Variants in IQCJ observed in about 807,000 individuals in gnomAD.
IQCJ encodes IQ domain-containing protein J.
A neutral mutation model predicts 11.0 loss-of-function variants in IQCJ; 9 were observed. The ratio of observed to expected loss-of-function variants is 0.82; its 90% confidence interval spans 0.49 to 1.43. The LOEUF (loss-of-function observed/expected upper bound fraction) is 1.43, where lower values mean the gene tolerates loss of function less well. IQCJ is among the 40% of genes most tolerant of loss of function. IQCJ has a pLI of 0.00. For missense variants in IQCJ, 146 were observed against 133.2 expected (o/e 1.10, Z -0.47); for synonymous variants, 55 against 51.3 (o/e 1.07, Z -0.31).
chr3:159,136,424 C>A (rs557339089), intron 1 of IQCJ, among the ~76,000 whole-genome samples: 7 of 152,238 alleles, frequency 4.6e-5, no homozygotes, highest in Admixed American at 2.0e-4. Flanking sequence ...CCTTAGAGAC[C>A]ATTTTGGTGC....
chr3:159,120,979 C>T (rs769042181), intron 1 of IQCJ, among the ~76,000 whole-genome samples: 1 of 151,272 alleles, frequency 6.6e-6, no homozygotes, highest in Non-Finnish European at 1.5e-5. Flanking sequence ...AAGCAAAATG[C>T]AAATGCAAAT....
chr3:159,128,196 G>A (rs1031907152), intron 1 of IQCJ, among the ~76,000 whole-genome samples: 1 of 152,144 alleles, frequency 6.6e-6, no homozygotes, highest in Non-Finnish European at 1.5e-5. Flanking sequence ...AAAAATTCAT[G>A]GGACAATGGG....
At chr3:159,208,915 A>G (rs989433686) in intron 1 of IQCJ, among the ~76,000 whole-genome samples, 3 of 152,210 alleles carry the variant, frequency 2.0e-5, no homozygotes, top group African/African-American at 7.2e-5. Flanking sequence ...AGACAAAGAA[A>G]TACATTGGAA....
At chr3:159,093,253 C>A (rs780861075) in intron 1 of IQCJ, among the ~76,000 whole-genome samples, 2 of 151,764 alleles carry the variant, frequency 1.3e-5, no homozygotes, top group Non-Finnish European at 2.9e-5. Flanking sequence ...TGGCAAGAAG[C>A]ATTTAGTGTT....
chr3:159,200,104 A>AATATATATATATATATATATAT lies in IQCJ; in HGVS notation c.10-45723_10-45722insATATATATATATATATATATAT, dbSNP rs539820364. Reference sequence around the variant, plus strand: ...ATATGTATGTATGTGTTTATACATAAATATATATATATATATCACTTTGAA... The same window carrying AATATATATATATATATATATAT: ...ATATGTATGTATGTGTTTATACATAAATATATATATATATATATATATATATATATATATATATCACTTTGAA... On this transcript the variant is annotated intron_variant, in intron 1 of 3. Transcript: ENST00000397832. Among the ~76,000 whole-genome samples, 542 of 116,770 alleles carry AATATATATATATATATATATAT rather than the reference A, an allele frequency of 4.6e-3. 24 individuals carry two copies. The highest frequency in any genetic ancestry group is 0.017 in the African/African-American group (455 of 26,268). The allele number at this position is 116,770 out of a possible 152,430, so 76.6% of individuals were successfully genotyped here.
At chr3:159,162,935 C>T (rs1415917113) in intron 1 of IQCJ, among the ~76,000 whole-genome samples, 3 of 152,298 alleles carry the variant, frequency 2.0e-5, no homozygotes, top group Admixed American at 2.0e-4. Flanking sequence ...TAATCAGTAG[C>T]TTACCAACTA....
At chr3:159,240,716 G>A (rs1466636543) in intron 1 of IQCJ, among the ~76,000 whole-genome samples, 1 of 151,972 alleles carries the variant, frequency 6.6e-6, no homozygotes, top group African/African-American at 2.4e-5. Context: ...TTGGGAGGCC[G>A]AGGTCCAGCA....
intron 2 of IQCJ, among the ~76,000 whole-genome samples, chr3:159,251,640 C>T (rs1727608592): frequency 6.6e-6 from 1 of 151,996 alleles, no homozygotes; most frequent in African/African-American, 2.4e-5. Context: ...ACACACACCC[C>T]TACCTTACCA....
At chr3:159,261,571 G>A (rs564034669) in intron 3 of IQCJ, among the ~76,000 whole-genome samples, 61 of 152,196 alleles carry the variant, frequency 4.0e-4, no homozygotes, top group Non-Finnish European at 7.5e-4. Flanking sequence ...CCTTTACTCA[G>A]AAGAGGTGCC....
chr3:159,173,423 GA>G (rs1414579597), intron 1 of IQCJ, among the ~76,000 whole-genome samples: 1 of 152,080 alleles, frequency 6.6e-6, no homozygotes, highest in Non-Finnish European at 1.5e-5. Flanking sequence ...GAAACGTGTT[GA>G]TTTATAAACA....
chr3:159,069,414 G>T lies in IQCJ; in HGVS notation c.-19G>T. On this transcript the variant is annotated 5_prime_UTR_variant, in exon 1 of 4. Transcript: ENST00000397832. ...CGATCCAGTCTCCTTTCACCTGCAG[G>T]TGTTCCAGAAACTTCAAAATGCGTC... 1 of 1,608,364 alleles carries T rather than the reference G, an allele frequency of 6.2e-7. No homozygotes were observed.
intron 1 of IQCJ, among the ~76,000 whole-genome samples, chr3:159,139,871 T>C (rs1453566332): frequency 6.6e-6 from 1 of 152,144 alleles, no homozygotes; most frequent in Non-Finnish European, 1.5e-5. Flanking sequence ...ATTTGCCTAA[T>C]AAAGAAATAT....
intron 1 of IQCJ, among the ~76,000 whole-genome samples, chr3:159,145,758 A>G (rs1485925556): frequency 2.0e-5 from 3 of 152,170 alleles, no homozygotes; most frequent in Non-Finnish European, 2.9e-5. Context: ...ACATTGATAC[A>G]TTCAATGAAT....
chr3:159,230,017 CT>C (rs1560034615), intron 1 of IQCJ, among the ~76,000 whole-genome samples: 1 of 149,692 alleles, frequency 6.7e-6, no homozygotes, highest in East Asian at 2.0e-4. Flanking sequence ...CCAATAGGTA[CT>C]TTTTCATCCC....
At chr3:159,118,888 A>T (rs1028365795) in intron 1 of IQCJ, among the ~76,000 whole-genome samples, 5 of 152,226 alleles carry the variant, frequency 3.3e-5, no homozygotes, top group African/African-American at 1.2e-4. Flanking sequence ...GATCATTATC[A>T]GGAAAAGCGA....
At chr3:159,206,383 T>C (rs754618037) in intron 1 of IQCJ, among the ~76,000 whole-genome samples, 3 of 152,190 alleles carry the variant, frequency 2.0e-5, no homozygotes, top group Non-Finnish European at 4.4e-5. Context: ...GGACCCCTTG[T>C]TTTTGTGTAC....
intron 2 of IQCJ, among the ~76,000 whole-genome samples, chr3:159,248,414 ATAG>A (rs971205166): frequency 6.6e-6 from 1 of 152,238 alleles, no homozygotes; most frequent in Non-Finnish European, 1.5e-5. Flanking sequence ...TAAGAATAAA[ATAG>A]TAGAATTTCC....
chr3:159,213,143 A>G lies in IQCJ; in HGVS notation c.10-32700A>G, dbSNP rs147976091. Among the ~76,000 whole-genome samples the G allele has an allele frequency of 1.8e-4, 27 of 152,332 alleles. No homozygotes were observed. In the East Asian group the frequency reaches 3.3e-3, roughly 18 times the overall value. On this transcript the variant is annotated intron_variant, in intron 1 of 3. Coordinates refer to ENST00000397832, the MANE Select transcript of IQCJ (RefSeq NM_001042706.3). ...GTAAGACGATTAAAGGGAATCCTCCAGAACAGGTAAGAATGCCATATGTGT... is the reference window on the plus strand; with the variant it reads ...GTAAGACGATTAAAGGGAATCCTCCGGAACAGGTAAGAATGCCATATGTGT...
At chr3:159,136,429 T>G (rs760579057) in intron 1 of IQCJ, among the ~76,000 whole-genome samples, 9 of 152,216 alleles carry the variant, frequency 5.9e-5, no homozygotes, top group Admixed American at 2.0e-4. Flanking sequence ...GAGACCATTT[T>G]GGTGCTACTT....
Sources: allele counts gnomAD v4.1 joint callset (sites outside exome capture counted in the v4.1 genomes callset), GRCh38; gene constraint gnomAD v4.1.1; transcripts MANE v1.5; gene names NCBI Gene and HGNC (gene_info 2026-07-23, HGNC 2026-07-21).